The following CFAP54 variants were observed in gnomAD, a reference collection of about 807,000 sequenced individuals.
CFAP54 encodes the protein cilia- and flagella-associated protein 54.
A neutral mutation model predicts 370.4 loss-of-function variants in CFAP54; 290 were observed. The observed-to-expected ratio is 0.78, with a 90% CI of 0.71 to 0.86. CFAP54 has a LOEUF of 0.86. CFAP54 is among the 40% of genes least tolerant of loss of function. CFAP54 has a pLI of 0.00. For missense variants in CFAP54, 3,399 were observed against 3,528.7 expected (o/e 0.96, Z 0.93); for synonymous variants, 1,206 against 1,236.5 (o/e 0.98, Z 0.52).
At chr12:96,640,626 T>G (rs2136487264) in intron 32 of CFAP54, among the ~76,000 whole-genome samples, 1 of 152,338 alleles carries the variant, frequency 6.6e-6, no homozygotes, top group South Asian at 2.1e-4. Context: ...AAGTCAATCC[T>G]AAGCCAAAAG....
chr12:96,744,802 C>A lies in CFAP54; in HGVS notation c.7684+656C>A, dbSNP rs114547335. On this transcript the variant is annotated intron_variant, in intron 55 of 67. Transcript: ENST00000524981. ...CATGATGGTTTCCTGCACAGATCATCCTATCTAAGCCCAGCATTCATTGGC... is the reference window on the plus strand; with the variant it reads ...CATGATGGTTTCCTGCACAGATCATACTATCTAAGCCCAGCATTCATTGGC... Among the ~76,000 whole-genome samples the A allele has an allele frequency of 1.6e-3, 246 of 152,206 alleles. 1 individual carries two copies. Among genetic ancestry groups the A allele is most frequent in the African/African-American group, 5.8e-3 (240 of 41,524 alleles).
chr12:96,784,473 T>C (rs1224751240), intron 60 of CFAP54, among the ~76,000 whole-genome samples: 4 of 152,126 alleles, frequency 2.6e-5, no homozygotes, highest in Non-Finnish European at 5.9e-5. Flanking sequence ...TGTTGATTGA[T>C]GCAAAGTGTT....
chr12:96,499,839 G>A (rs7135221), intron 1 of CFAP54, among the ~76,000 whole-genome samples: 20,817 of 152,004 alleles, frequency 0.14, 1,535 homozygotes, highest in Middle Eastern at 0.19. Context: ...CCAGCTACTC[G>A]GGAGGCTGAG....
At chr12:96,863,969 G>A (rs1245410911) in intron 67 of CFAP54, among the ~76,000 whole-genome samples, 1 of 152,116 alleles carries the variant, frequency 6.6e-6, no homozygotes, top group East Asian at 1.9e-4. Flanking sequence ...TAAAATAGGA[G>A]CAACACTCAC....
At chr12:96,826,980 A>ATATAATATGAAATTATATATGATTAAT (rs1959122616) in intron 65 of CFAP54, among the ~76,000 whole-genome samples, 1 of 130,438 alleles carries the variant, frequency 7.7e-6, no homozygotes, top group African/African-American at 3.2e-5. Context: ...ATATGATTAT[A>ATATAATATGAAATTATATATGATTAAT]TATAATATGC....
intron 40 of CFAP54, among the ~76,000 whole-genome samples, chr12:96,680,069 C>T (rs566173421): frequency 2.6e-5 from 4 of 152,250 alleles, no homozygotes; most frequent in African/African-American, 7.2e-5. Context: ...GCACTATGGT[C>T]TTGTTTTACT....
At chr12:96,774,037 CTTTTG>C (rs1361434918) in intron 60 of CFAP54, among the ~76,000 whole-genome samples, 5 of 151,960 alleles carry the variant, frequency 3.3e-5, no homozygotes, top group Non-Finnish European at 5.9e-5. Context: ...ATCTTTTAAA[CTTTTG>C]TTGACATGGT....
chr12:96,744,112 T>C lies in CFAP54; in HGVS notation c.7650T>C (p.His2550=), dbSNP rs772395234. 1.2e-5 allele frequency: 19 copies of C among 1,609,850 alleles called. No homozygotes were observed. Among genetic ancestry groups the C allele is most frequent in the Non-Finnish European group, 1.6e-5 (19 of 1,176,928 alleles). ...LQPLKNIYLP[H]VMLLAKIKMR... Reference sequence around the variant, plus strand: ...CTTTGAAAAATATCTATCTTCCCCATGTCATGTTATTGGCCAAAATAAAAA... The same window carrying C: ...CTTTGAAAAATATCTATCTTCCCCACGTCATGTTATTGGCCAAAATAAAAA... The change falls in exon 55 of 68, where the codon CAT becomes CAC. Residue 2550 remains histidine (H), a synonymous_variant. Coordinates refer to ENST00000524981, the MANE Select transcript of CFAP54 (RefSeq NM_001306084.2).
intron 67 of CFAP54, among the ~76,000 whole-genome samples, chr12:96,864,913 G>A (rs1959965741): frequency 6.6e-6 from 1 of 152,032 alleles, no homozygotes; most frequent in African/African-American, 2.4e-5. Context: ...AAATATACAT[G>A]TCTTCCAACA....
chr12:96,709,909 A>G (rs1363072271), intron 48 of CFAP54, among the ~76,000 whole-genome samples: 1 of 151,940 alleles, frequency 6.6e-6, no homozygotes, highest in African/African-American at 2.4e-5. Context: ...TTTCGTAGAG[A>G]TAGGGTTTCA....
chr12:96,523,435 A>G (rs1955341998), intron 8 of CFAP54, among the ~76,000 whole-genome samples: 1 of 152,092 alleles, frequency 6.6e-6, no homozygotes, highest in African/African-American at 2.4e-5. Context: ...TTTCTTTTAA[A>G]TGAATTACTA....
At chr12:96,615,730 G>A (rs879177578) in intron 26 of CFAP54, among the ~76,000 whole-genome samples, 5 of 152,208 alleles carry the variant, frequency 3.3e-5, no homozygotes, top group African/African-American at 9.6e-5. Context: ...CTCAAAAGAA[G>A]ACATCTATGC....
In CFAP54 at chr12:96,794,202, A is replaced by C. The variant is rs760527343; in HGVS notation, c.8850+1703A>C. 3.2e-4 allele frequency among the ~76,000 whole-genome samples: 48 copies of C among 152,278 alleles called. 1 individual carries two copies. In the Middle Eastern group the frequency reaches 0.02, roughly 65 times the overall value. On this transcript the variant is annotated intron_variant, in intron 63 of 67. Coordinates refer to ENST00000524981, the MANE Select transcript of CFAP54 (RefSeq NM_001306084.2). ...CTTCATCTTAACTTTAGCTAACCTG[A>C]TGACTATGTGCTTAGATGGTGATAC... is the stretch of plus-strand genomic sequence containing the variant.
intron 39 of CFAP54, among the ~76,000 whole-genome samples, chr12:96,671,082 C>T (rs1335870301): frequency 1.3e-5 from 2 of 152,338 alleles, no homozygotes; most frequent in East Asian, 1.9e-4. Flanking sequence ...AAGCGATTCT[C>T]CTGCCTCATC....
At chr12:96,829,542 G>A (rs982637833) in intron 66 of CFAP54, among the ~76,000 whole-genome samples, 14 of 151,816 alleles carry the variant, frequency 9.2e-5, no homozygotes, top group Admixed American at 2.6e-4. Context: ...TTTCTTTTAC[G>A]TATTTGTTGT....
At chr12:96,655,482 G>A (rs1279393907) in intron 36 of CFAP54, among the ~76,000 whole-genome samples, 1 of 152,024 alleles carries the variant, frequency 6.6e-6, no homozygotes, top group African/African-American at 2.4e-5. Context: ...ATGAATTGGA[G>A]GATCAAGAGC....
intron 39 of CFAP54, among the ~76,000 whole-genome samples, chr12:96,672,740 A>G (rs577771895): frequency 3.3e-5 from 5 of 152,332 alleles, no homozygotes; most frequent in Admixed American, 2.0e-4. Context: ...TTTGGGATCC[A>G]TAACTCAAAA....
At chr12:96,521,808 A>G in intron 6 of CFAP54, 49 bp from the exon 7 acceptor site, 1 of 1,307,732 alleles carries the variant, frequency 7.6e-7, no homozygotes, top group Non-Finnish European at 1.0e-6. Flanking sequence ...TATACATTTT[A>G]ATCACTATAT....
At chr12:96,554,618 T>A (rs924960094) in intron 16 of CFAP54, 58 bp from the exon 17 acceptor site, 42 of 1,421,762 alleles carry the variant, frequency 3.0e-5, no homozygotes, top group Non-Finnish European at 3.9e-5. Context: ...AGTATACAGC[T>A]ATTTTTGTGT....
Sources: allele counts gnomAD v4.1 joint callset (sites outside exome capture counted in the v4.1 genomes callset), GRCh38; gene constraint gnomAD v4.1.1; transcripts MANE v1.5; gene names NCBI Gene and HGNC (gene_info 2026-07-23, HGNC 2026-07-21).